The following AP3B2 variants were observed in gnomAD, a reference collection of about 807,000 sequenced individuals.
AP3B2 encodes AP-3 complex subunit beta-2.
AP3B2 carries 50 observed loss-of-function variants against 126.9 expected under a neutral mutation model. The observed-to-expected ratio is 0.39, with a 90% CI of 0.31 to 0.50. The LOEUF (loss-of-function observed/expected upper bound fraction) is 0.50. Among genes scored for constraint, AP3B2 ranks in the 20% least tolerant of loss-of-function variants. The probability of loss-of-function intolerance (pLI) is 0.79; values close to 1 mark genes in which losing one functional copy is unlikely to be tolerated. For missense variants in AP3B2, 1,177 were observed against 1,426.4 expected (o/e 0.83, Z 2.82); for synonymous variants, 541 against 565.0 (o/e 0.96, Z 0.60).
At chr15:82,692,227 G>A in intron 1 of AP3B2, 1 of 1,113,598 alleles carries the variant, frequency 9.0e-7, no homozygotes, top group African/African-American at 1.6e-5. Flanking sequence ...AAGGCGAAGG[G>A]CACAAGGCAG....
chr15:82,676,817 C>A (rs2048250080), intron 13 of AP3B2, among the ~76,000 whole-genome samples, 180 bp from the exon 14 acceptor site: 1 of 152,186 alleles, frequency 6.6e-6, no homozygotes, highest in South Asian at 2.1e-4. Flanking sequence ...ATTTCCTAGA[C>A]AGCATTTCCC....
intron 1 of AP3B2, among the ~76,000 whole-genome samples, chr15:82,697,300 C>CT (rs2048644305): frequency 6.6e-6 from 1 of 151,918 alleles, no homozygotes; most frequent in Admixed American, 6.6e-5. Context: ...CGCCACTGCA[C>CT]TCCAGCCTGG....
At position 82,680,164 on chromosome 15, in the gene AP3B2, CG is replaced by C. The variant is rs2048310820; in HGVS notation, c.1110+10del. On this transcript the variant is annotated intron_variant, in intron 9 of 26. Coordinates refer to ENST00000535359, the MANE Select transcript of AP3B2 (RefSeq NM_001278512.2). The surrounding 1 kb of genome is among the most constrained non-coding windows in gnomAD (Gnocchi z 6.1). Reference sequence around the variant, plus strand: ...TCGGACAGCGAGGACAGCCCGCCGTCGCAGGCTCACCCGGCGCTTGATGGAC... The same window carrying C: ...TCGGACAGCGAGGACAGCCCGCCGTCCAGGCTCACCCGGCGCTTGATGGAC... 1 of 1,613,010 alleles carries C rather than the reference CG, an allele frequency of 6.2e-7. No homozygotes were observed. The highest frequency in any genetic ancestry group is 1.3e-5 in the African/African-American group (1 of 74,924).
chr15:82,662,583 G>T, intron 23 of AP3B2, 111 bp downstream of exon 23: 2 of 989,986 alleles, frequency 2.0e-6, no homozygotes, highest in Non-Finnish European at 3.0e-6. Context: ...TGCTATCTCT[G>T]TGCCCCTATA....
intron 1 of AP3B2, chr15:82,699,904 T>A (rs1455839688): frequency 2.5e-6 from 1 of 399,112 alleles, no homozygotes; most frequent in East Asian, 3.6e-5. Flanking sequence ...TGGACTGAGC[T>A]GGCCAGGGCG....
intron 1 of AP3B2, among the ~76,000 whole-genome samples, chr15:82,703,689 G>A (rs560079356): frequency 6.6e-6 from 1 of 152,156 alleles, no homozygotes; most frequent in Non-Finnish European, 1.5e-5. Flanking sequence ...ACAGTCTGAG[G>A]TGCCTGATGT....
At chr15:82,707,115 T>C (rs2151464378) in intron 1 of AP3B2, among the ~76,000 whole-genome samples, 1 of 152,130 alleles carries the variant, frequency 6.6e-6, no homozygotes, top group Non-Finnish European at 1.5e-5. Flanking sequence ...CTCTATATAG[T>C]CCAATAACAG....
intron 13 of AP3B2, among the ~76,000 whole-genome samples, chr15:82,676,939 C>T (rs1277310312): frequency 6.6e-6 from 1 of 152,208 alleles, no homozygotes; most frequent in African/African-American, 2.4e-5. Context: ...TTCCATGTTA[C>T]TCTCCAGAAT....
chr15:82,699,126 C>T (rs1196055815), intron 1 of AP3B2: 4 of 152,910 alleles, frequency 2.6e-5, no homozygotes, highest in African/African-American at 4.8e-5. Flanking sequence ...GACCTGACCC[C>T]TAGTCTGACC....
chr15:82,703,850 C>T (rs995245057), intron 1 of AP3B2, among the ~76,000 whole-genome samples: 2 of 152,036 alleles, frequency 1.3e-5, no homozygotes, highest in East Asian at 1.9e-4. Context: ...CCTTTTCTAC[C>T]GACCCATCTG....
chr15:82,686,693 G>C (rs1225762889), intron 4 of AP3B2: 1 of 151,870 alleles, frequency 6.6e-6, no homozygotes, highest in Non-Finnish European at 1.5e-5. Flanking sequence ...GCTATTCACA[G>C]GTGCAGTCAT....
At position 82,694,026 on chromosome 15, in the gene AP3B2, C is replaced by T. The variant is rs537128076; in HGVS notation, c.114-4573G>A. ...CTTTTTTTCGTTTTTCTGTTTGAGA[C>T]GAAGTCTCGCTCTGTTGCCCAGGCT... is the stretch of plus-strand genomic sequence containing the variant. On this transcript the variant is annotated intron_variant, in intron 1 of 26. Transcript: ENST00000535359. Among the ~76,000 whole-genome samples the T allele has an allele frequency of 2.0e-4, 26 of 132,130 alleles. 1 individual carries two copies. Among genetic ancestry groups the T allele is most frequent in the South Asian group, 1.0e-3 (4 of 4,008 alleles). 86.7% of individuals were successfully genotyped at this position (132,130 alleles called of 152,430 possible).
intron 25 of AP3B2, among the ~76,000 whole-genome samples, 183 bp downstream of exon 25, chr15:82,661,637 CGTGTT>C (rs1003307038): frequency 7.2e-5 from 11 of 152,176 alleles, no homozygotes; most frequent in Non-Finnish European, 1.3e-4. Context: ...CAGCCACAGT[CGTGTT>C]GTAACTGCAA....
At position 82,681,708 on chromosome 15, in the gene AP3B2, C is replaced by T. The variant is rs2048341790; in HGVS notation, c.361-128G>A. 2 of 1,067,448 alleles carry T rather than the reference C, an allele frequency of 1.9e-6. No individual in the cohort carries two copies. The highest frequency in any genetic ancestry group is 1.3e-6 in the Non-Finnish European group (1 of 755,200). 66.1% of individuals were successfully genotyped at this position (1,067,448 alleles called of 1,614,324 possible). ...TGCTTCCCTGCCGCTTGACTGGAGCCTGGATGGTGTGCCAGTGATGGGTAT... is the reference window on the plus strand; with the variant it reads ...TGCTTCCCTGCCGCTTGACTGGAGCTTGGATGGTGTGCCAGTGATGGGTAT... On this transcript the variant is annotated intron_variant, in intron 4 of 26. Coordinates refer to ENST00000535359, the MANE Select transcript of AP3B2 (RefSeq NM_001278512.2). This position sits in a 1 kb window ranked among gnomAD's most constrained non-coding sequence, Gnocchi z 4.0.
chr15:82,662,611 G>C, intron 23 of AP3B2, 83 bp downstream of exon 23: 1 of 1,342,572 alleles, frequency 7.4e-7, no homozygotes, highest in Non-Finnish European at 1.0e-6. Flanking sequence ...CCCTGGCCTG[G>C]CACAAGGAGG....
rs535077323 is a variant in AP3B2 at position 82,664,412 on chromosome 15, T to C, written c.2216A>G (p.Asn739Ser). 23 of 1,613,934 alleles carry C rather than the reference T, an allele frequency of 1.4e-5. No individual in the cohort carries two copies. The South Asian group carries it at 1.9e-4, about 13-fold the overall frequency. Residue 739 changes from asparagine (N) to serine (S), a missense_variant, in exon 19 of 27, where the codon AAT becomes AGT. Physicochemically the swap from Asn to Ser is conservative, Grantham distance 46. Coordinates refer to ENST00000535359, the MANE Select transcript of AP3B2 (RefSeq NM_001278512.2). The surrounding 1 kb of genome is among the most constrained non-coding windows in gnomAD (Gnocchi z 4.5). ...CTCCTCATCCTCATCCTGGTCTTCA[T>C]TGTCGGACTCACTGCTGGACTCCCC... ...GSGESSSESD[N>S]EDQDEDEEKG...
At chr15:82,697,769 C>G (rs899445501) in intron 1 of AP3B2, 2 of 152,002 alleles carry the variant, frequency 1.3e-5, no homozygotes, top group Admixed American at 6.6e-5. Context: ...TCTGAAACTC[C>G]CTCACCTGGG....
rs867683955 is a variant in AP3B2, at chr15:82,664,707, G to T, written c.2137+128C>A. On this transcript the variant is annotated intron_variant, in intron 18 of 26. Coordinates refer to ENST00000535359, the MANE Select transcript of AP3B2 (RefSeq NM_001278512.2). The surrounding 1 kb of genome is among the most constrained non-coding windows in gnomAD (Gnocchi z 4.5). The stretch of plus-strand genomic sequence containing the variant: ...CACACCTGGAACATGAATCCCTCAG[G>T]TGCACAAACAATTCACAAGCAGGTG... The T allele has an allele frequency of 7.7e-6, 7 of 908,810 alleles. 1 individual carries two copies. In the Middle Eastern group the frequency reaches 1.6e-3, roughly 214 times the overall value. The allele number at this position is 908,810 out of a possible 1,614,324, so 56.3% of individuals were successfully genotyped here.
At chr15:82,707,240 T>G (rs1049028247) in intron 1 of AP3B2, among the ~76,000 whole-genome samples, 21 of 152,198 alleles carry the variant, frequency 1.4e-4, no homozygotes, top group Non-Finnish European at 1.5e-5. Flanking sequence ...GGACTAATGG[T>G]CTTTTAAAAA....
Sources: gnomAD v4.1 joint callset for allele counts (sites outside exome capture counted in the v4.1 genomes callset) on GRCh38, gnomAD v4.1.1 for gene constraint, Gnocchi (gnomAD v3.1) non-coding constraint, MANE v1.5 for transcripts, NCBI Gene and HGNC (gene_info 2026-07-23, HGNC 2026-07-21) for gene names.